MEP1A: variants seen among roughly 807,000 people sequenced by gnomAD.
MEP1A encodes N-benzoyl-L-tyrosyl-P-amino-benzoic acid hydrolase subunit alpha.
Under a neutral mutation model 84.5 loss-of-function variants are expected in MEP1A, and 68 were observed. The ratio of observed to expected loss-of-function variants is 0.80; its 90% CI spans 0.66 to 0.98. The LOEUF (loss-of-function observed/expected upper bound fraction) is 0.98. Ranked by LOEUF, MEP1A falls within the 50% of genes least tolerant of loss-of-function variation. The pLI is 0.00. For synonymous variants in MEP1A, 337 were observed against 336.8 expected, an observed-to-expected ratio of 1.00 and a Z score of -0.01; for missense variants, 887 against 919.9, an observed-to-expected ratio of 0.96 and a Z score of 0.46.
chr6:46,804,335 G>A (rs1767263077), intron 5 of MEP1A, among the ~76,000 whole-genome samples: 1 of 151,682 alleles, frequency 6.6e-6, no homozygotes, highest in African/African-American at 2.4e-5. Flanking sequence ...ACATTTTTAA[G>A]TTGTAATACA....
Position 46,828,123 on chromosome 6 carries a change from G to C in MEP1A, c.929-1233G>C, listed in dbSNP as rs191687035. 5.3e-4 allele frequency among the ~76,000 whole-genome samples: 80 copies of C among 152,174 alleles called. 1 individual carries two copies. Among genetic ancestry groups the C allele is most frequent in the Admixed American group, 2.0e-3 (31 of 15,286 alleles). On this transcript the variant is annotated intron_variant, in intron 9 of 13. Coordinates refer to ENST00000230588, the MANE Select transcript of MEP1A (RefSeq NM_005588.3). ...CTAGGGAGAGCTGGGGATAATTCAGGCCTCCTGAGTTCTGGGCTTGAATTA... is the reference window on the plus strand; with the variant it reads ...CTAGGGAGAGCTGGGGATAATTCAGCCCTCCTGAGTTCTGGGCTTGAATTA...
intron 9 of MEP1A, among the ~76,000 whole-genome samples, chr6:46,827,119 A>G (rs1767966001): frequency 6.6e-6 from 1 of 152,226 alleles, no homozygotes; most frequent in Non-Finnish European, 1.5e-5. Flanking sequence ...TTTGGTAGCC[A>G]CTGTATTGGA....
At chr6:46,800,115 G>T (rs914666249) in intron 5 of MEP1A, among the ~76,000 whole-genome samples, 55 of 152,184 alleles carry the variant, frequency 3.6e-4, no homozygotes, top group African/African-American at 1.3e-3. Context: ...TTTCTCCAGT[G>T]TTTGCCTTGC....
chr6:46,829,265 G>C, intron 9 of MEP1A, 91 bp from the exon 10 acceptor site: 5 of 1,010,218 alleles, frequency 4.9e-6, no homozygotes, highest in Non-Finnish European at 7.7e-6. Context: ...CCTGGACAAT[G>C]GCTGTGGTTC....
In MEP1A at chr6:46,825,644, C is replaced by T. The variant is rs1767924331; in HGVS notation, c.778+151C>T. 5 of 615,016 alleles carry T rather than the reference C, an allele frequency of 8.1e-6. No homozygotes were observed. The Admixed American group carries it at 9.9e-5, about 12-fold the overall frequency. 38.1% of individuals were successfully genotyped at this position (615,016 alleles called of 1,614,324 possible). ...CTGCGTAACTTTTGTTGGTCTACCT[C>T]TAGACCCATTTGTTTAAGTATTGTC... On this transcript the variant is annotated intron_variant, in intron 8 of 13. Transcript: ENST00000230588.
At chr6:46,825,718 A>C (rs1767926299) in intron 8 of MEP1A, among the ~76,000 whole-genome samples, 1 of 152,228 alleles carries the variant, frequency 6.6e-6, no homozygotes, top group South Asian at 2.1e-4. Flanking sequence ...TTAAAAACAA[A>C]AAACAAACAA....
At chr6:46,798,275 A>G (rs1767111997) in intron 3 of MEP1A, among the ~76,000 whole-genome samples, 1 of 152,056 alleles carries the variant, frequency 6.6e-6, no homozygotes, top group South Asian at 2.1e-4. Context: ...GCCATTTTCT[A>G]AATAGTTTTC....
chr6:46,817,452 G>T (rs1767666961), intron 6 of MEP1A, among the ~76,000 whole-genome samples: 1 of 152,150 alleles, frequency 6.6e-6, no homozygotes, highest in Non-Finnish European at 1.5e-5. Flanking sequence ...CTCAGGCCTT[G>T]CAAAGACCAC....
chr6:46,845,646 A>G, the MEP1A span, among the ~76,000 whole-genome samples: 1,839 of 152,314 alleles, frequency 0.012, 44 homozygotes, highest in African/African-American at 0.042. Flanking sequence ...ATCTCAATCT[A>G]TGGGTCTGTG....
chr6:46,826,910 C>A (rs1485487832), intron 9 of MEP1A, among the ~76,000 whole-genome samples: 11 of 152,184 alleles, frequency 7.2e-5, no homozygotes, highest in African/African-American at 2.7e-4. Context: ...AAAAGAAAAC[C>A]GTGAAATTAA....
the MEP1A span, among the ~76,000 whole-genome samples, chr6:46,845,567 A>G: frequency 1.3e-5 from 2 of 152,252 alleles, no homozygotes; most frequent in Non-Finnish European, 2.9e-5. Flanking sequence ...GACTAAGCCA[A>G]TCATGATACC....
intron 5 of MEP1A, among the ~76,000 whole-genome samples, chr6:46,807,171 GA>G (rs934710936): frequency 2.7e-5 from 4 of 148,336 alleles, no homozygotes; most frequent in East Asian, 2.0e-4. Flanking sequence ...CTTCTCAAAA[GA>G]AAAAAAAAGA....
intron 7 of MEP1A, among the ~76,000 whole-genome samples, chr6:46,824,055 A>T (rs1389701836): frequency 6.6e-6 from 1 of 152,090 alleles, no homozygotes; most frequent in Non-Finnish European, 1.5e-5. Flanking sequence ...TGCCCCTCAG[A>T]TTTCCTTCTC....
intron 5 of MEP1A, among the ~76,000 whole-genome samples, chr6:46,806,307 T>A (rs981224227): frequency 6.6e-6 from 1 of 152,076 alleles, no homozygotes; most frequent in Non-Finnish European, 1.5e-5. Context: ...ATTGTAGTGA[T>A]TATGCGTGTT....
At chr6:46,831,734 C>T (rs1581687479) in intron 10 of MEP1A, among the ~76,000 whole-genome samples, 1 of 152,134 alleles carries the variant, frequency 6.6e-6, no homozygotes, top group African/African-American at 2.4e-5. Context: ...TGATCTATAA[C>T]CTGCTGGATA....
intron 13 of MEP1A, among the ~76,000 whole-genome samples, chr6:46,835,915 C>G (rs948804806): frequency 3.9e-5 from 6 of 152,204 alleles, no homozygotes; most frequent in Admixed American, 2.6e-4. Context: ...TCTTTGCTGA[C>G]TACAGATGTT....
intron 6 of MEP1A, 58 bp from the exon 7 acceptor site, chr6:46,819,471 G>C: frequency 1.4e-6 from 2 of 1,436,522 alleles, no homozygotes; most frequent in South Asian, 2.7e-5. Flanking sequence ...GGAGTACTGT[G>C]AATGACAGCC....
At chr6:46,797,979 T>C (rs557325629) in intron 3 of MEP1A, among the ~76,000 whole-genome samples, 212 of 149,938 alleles carry the variant, frequency 1.4e-3, no homozygotes, top group Non-Finnish European at 2.1e-3. Flanking sequence ...CCTCTTTCTT[T>C]TTTTGTGAGA....
At chr6:46,807,771 GAAA>G (rs3028372) in intron 5 of MEP1A, among the ~76,000 whole-genome samples, 5,046 of 33,604 alleles carry the variant, frequency 0.15, 142 homozygotes, top group Non-Finnish European at 0.16. Flanking sequence ...AGGGAGAAAG[GAAA>G]GAAAGAAAGA....
Sources: gnomAD v4.1 joint callset for allele counts (sites outside exome capture counted in the v4.1 genomes callset) on GRCh38, gnomAD v4.1.1 for gene constraint, MANE v1.5 for transcripts, NCBI Gene and HGNC (gene_info 2026-07-23, HGNC 2026-07-21) for gene names.